The following ABCA4 variants were observed in gnomAD, a reference collection of about 807,000 sequenced individuals.
ABCA4 encodes ATP binding cassette subfamily A member 4.
Under a neutral mutation model 263.7 loss-of-function variants are expected in ABCA4, and 196 were observed. That is an observed-to-expected ratio of 0.74 (90% CI 0.66 to 0.84). The LOEUF (loss-of-function observed/expected upper bound fraction) is 0.84, where lower values mean the gene tolerates loss of function less well. ABCA4 is among the 40% of genes least tolerant of loss of function. The pLI, the probability that ABCA4 is intolerant of heterozygous loss-of-function variation, is 0.00. For synonymous variants in ABCA4, 1,133 were observed against 1,094.2 expected (o/e 1.04, Z -0.70); for missense variants, 2,792 against 2,855.1 (o/e 0.98, Z 0.50).
chr1:94,020,724 C>T lies in ABCA4; in HGVS notation c.5018+516G>A, dbSNP rs142472847. On this transcript the variant is annotated intron_variant, in intron 35 of 49. Coordinates refer to ENST00000370225, the MANE Select transcript of ABCA4 (RefSeq NM_000350.3). ...AAAGGTGCTCCTACCAACCCCTCCT[C>T]CATGTAGGCCTCAAATAGAGTGAAC... Among the ~76,000 whole-genome samples the T allele has an allele frequency of 2.6e-5, 4 of 152,358 alleles. No homozygotes were observed. The East Asian group carries it at 7.7e-4, about 29-fold the overall frequency.
chr1:93,999,785 C>G (rs144433983), intron 47 of ABCA4, among the ~76,000 whole-genome samples: 57 of 152,316 alleles, frequency 3.7e-4, no homozygotes, highest in Admixed American at 1.6e-3. Flanking sequence ...CCTCTCACCC[C>G]CTCTATCATG....
chr1:94,019,791 C>T lies in ABCA4; in HGVS notation c.5019-32G>A, dbSNP rs113014755. 2.8e-5 allele frequency: 45 copies of T among 1,597,704 alleles called. No homozygotes were observed. Among genetic ancestry groups the T allele is most frequent in the African/African-American group, 1.5e-4 (11 of 74,814 alleles). ...CAGGGCCAGAGACACAGGGAGAGGG[C>T]GATGAAGAGGGAAGAGCAGAAGGAG... On this transcript the variant is annotated intron_variant, in intron 35 of 49. Transcript: ENST00000370225.
At chr1:94,116,159 T>C (rs1662752483) in intron 1 of ABCA4, among the ~76,000 whole-genome samples, 1 of 152,114 alleles carries the variant, frequency 6.6e-6, no homozygotes, top group African/African-American at 2.4e-5. Flanking sequence ...CTCTCAGGAG[T>C]AGGGGAGGGA....
In ABCA4 at chr1:94,121,047, C is replaced by G; in HGVS notation, c.-2G>C. The G allele has an allele frequency of 1.2e-6, 2 of 1,614,168 alleles. No homozygotes were observed. The highest frequency in any genetic ancestry group is 2.2e-5 in the South Asian group (2 of 91,082). On this transcript the variant is annotated 5_prime_UTR_variant, in exon 1 of 50. Transcript: ENST00000370225. ...CTGTATCTGTCTCACGAAGCCCATG[C>G]TAATGACCACACGAAGACCAGATTG...
intron 19 of ABCA4, among the ~76,000 whole-genome samples, chr1:94,046,290 AAAAAAAAAAAAAAATAC>A (rs1660672512): frequency 1.6e-5 from 2 of 127,962 alleles, no homozygotes. Flanking sequence ...TAAAAAAAAA[AAAAAAAAAAAAAAATAC>A]AAAAATTAGC....
At chr1:94,116,966 T>C (rs199937387) in intron 1 of ABCA4, among the ~76,000 whole-genome samples, 2 of 101,706 alleles carry the variant, frequency 2.0e-5, no homozygotes, top group Admixed American at 1.0e-4. Context: ...CTTTCTTTCT[T>C]TCTCTTTCTT....
At chr1:94,019,434 A>G in intron 36 of ABCA4, 148 bp downstream of exon 36, 1 of 846,216 alleles carries the variant, frequency 1.2e-6, no homozygotes, top group Non-Finnish European at 1.8e-6. Context: ...GTCAAGGGAC[A>G]GCAGATACAC....
intron 42 of ABCA4, 36 bp downstream of exon 42, chr1:94,008,199 C>T (rs760190746): frequency 1.2e-5 from 19 of 1,603,528 alleles, no homozygotes; most frequent in Non-Finnish European, 1.3e-5. Flanking sequence ...AGCTGATGTT[C>T]GGAAGCCTTT....
intron 14 of ABCA4, among the ~76,000 whole-genome samples, chr1:94,058,650 C>T (rs1468926096): frequency 6.6e-6 from 1 of 152,228 alleles, no homozygotes; most frequent in Non-Finnish European, 1.5e-5. Context: ...GCGTGAGCCA[C>T]CACGCCCAGC....
intron 6 of ABCA4, among the ~76,000 whole-genome samples, chr1:94,084,197 C>A (rs1463057873): frequency 6.6e-6 from 1 of 152,190 alleles, no homozygotes; most frequent in Non-Finnish European, 1.5e-5. Flanking sequence ...CTTCATGTTT[C>A]AAAACTGATG....
Position 94,008,218 on chromosome 1 carries a change from G to T in ABCA4, c.5898+17C>A. ...GATGTTCGGAAGCCTTTCACACGTG[G>T]TCTGCAGAGTACCCACCTCTCCAGG... is the stretch of plus-strand genomic sequence containing the variant. On this transcript the variant is annotated intron_variant, in intron 42 of 49. Coordinates refer to ENST00000370225, the MANE Select transcript of ABCA4 (RefSeq NM_000350.3). The T allele has an allele frequency of 6.2e-7, 1 of 1,613,460 alleles. No homozygotes were observed.
intron 6 of ABCA4, among the ~76,000 whole-genome samples, chr1:94,089,890 TA>T (rs1428836864): frequency 6.6e-6 from 1 of 152,200 alleles, no homozygotes; most frequent in Non-Finnish European, 1.5e-5. Flanking sequence ...AAAGATTAAT[TA>T]AAAAGTAAGA....
chr1:94,098,682 T>C, intron 6 of ABCA4, 112 bp downstream of exon 6: 2 of 1,286,194 alleles, frequency 1.6e-6, no homozygotes, highest in Non-Finnish European at 1.1e-6. Flanking sequence ...CTGGAGCTTT[T>C]GCAAGGATTG....
At chr1:94,084,060 C>G (rs747518964) in intron 6 of ABCA4, among the ~76,000 whole-genome samples, 1 of 152,244 alleles carries the variant, frequency 6.6e-6, no homozygotes, top group Admixed American at 6.5e-5. Flanking sequence ...GAACTCACCA[C>G]TGCTCCTGCT....
At chr1:94,079,189 G>A (rs376406190) in intron 9 of ABCA4, 133 bp downstream of exon 9, 10 of 1,336,358 alleles carry the variant, frequency 7.5e-6, no homozygotes, top group East Asian at 7.0e-5. Flanking sequence ...GGGAGGAAAC[G>A]CAAGAGTCCA....
chr1:94,041,100 C>T (rs936248558), intron 23 of ABCA4, 109 bp downstream of exon 23: 19 of 1,136,990 alleles, frequency 1.7e-5, no homozygotes, highest in Non-Finnish European at 2.4e-5. Context: ...AACAAAGACA[C>T]TGATTCTGGT....
At position 94,103,370 on chromosome 1, in the gene ABCA4, G is replaced by T. The variant is rs143202470; in HGVS notation, c.443-228C>A. Among the ~76,000 whole-genome samples, 647 of 151,592 alleles carry T rather than the reference G, an allele frequency of 4.3e-3. 6 individuals are homozygous for T. The highest frequency in any genetic ancestry group is 0.015 in the African/African-American group (619 of 41,100). Reference sequence around the variant, plus strand: ...TTTAGTAAGAAGGTGGAAAAAGTTAGCCAGGGCTGGATGGGGGTGTCAGAT... The same window carrying T: ...TTTAGTAAGAAGGTGGAAAAAGTTATCCAGGGCTGGATGGGGGTGTCAGAT... On this transcript the variant is annotated intron_variant, in intron 4 of 49. Coordinates refer to ENST00000370225, the MANE Select transcript of ABCA4 (RefSeq NM_000350.3).
At chr1:94,054,376 G>A (rs892183435) in intron 16 of ABCA4, among the ~76,000 whole-genome samples, 1 of 152,174 alleles carries the variant, frequency 6.6e-6, no homozygotes, top group Non-Finnish European at 1.5e-5. Flanking sequence ...AAATAAAGTA[G>A]GGTAAGGGGA....
Position 94,031,033 on chromosome 1 carries a change from G to C in ABCA4, c.4216C>G (p.His1406Asp). 1 of 1,614,140 alleles carries C rather than the reference G, an allele frequency of 6.2e-7. No individual in the cohort carries two copies. Among genetic ancestry groups the C allele is most frequent in the South Asian group, 1.1e-5 (1 of 91,072 alleles). The change falls in exon 28 of 50, where the codon CAC becomes GAC. Residue 1406 changes from histidine to aspartate, a missense_variant. Transcript: ENST00000370225. ...PFGEYPALTL[H>D]PWIYGQQYTF... ...TACTGCTGCCCATATATCCAGGGGT[G>C]AAGGGTCAAAGCGGGGTATTCGCCA...
Sources: gnomAD v4.1 joint callset for allele counts (sites outside exome capture counted in the v4.1 genomes callset) on GRCh38, gnomAD v4.1.1 for gene constraint, MANE v1.5 for transcripts, NCBI Gene and HGNC (gene_info 2026-07-23, HGNC 2026-07-21) for gene names.